The following RSRC1 variants were observed in gnomAD, a reference collection of about 807,000 sequenced individuals.
RSRC1 encodes serine/Arginine-related protein 53.
In RSRC1, 39 loss-of-function variants were observed where a neutral mutation model predicts 49.1. The observed-to-expected ratio is 0.79, with a 90% confidence interval of 0.61 to 1.04. RSRC1 has a LOEUF of 1.04. Ranked by LOEUF, RSRC1 falls within the 50% of genes least tolerant of loss-of-function variation. RSRC1 has a pLI of 0.00. For synonymous variants in RSRC1, 143 were observed against 130.8 expected, an observed-to-expected ratio of 1.09 and a Z score of -0.63; for missense variants, 388 against 402.4, an observed-to-expected ratio of 0.96 and a Z score of 0.31.
intron 3 of RSRC1, among the ~76,000 whole-genome samples, chr3:158,126,918 T>C (rs1715663838): frequency 6.7e-6 from 1 of 150,372 alleles, no homozygotes; most frequent in Non-Finnish European, 1.5e-5. Context: ...TTGTTTTTGT[T>C]TTTTGCTTTC....
intron 4 of RSRC1, among the ~76,000 whole-genome samples, chr3:158,258,290 A>G (rs1270751191): frequency 5.5e-5 from 7 of 127,280 alleles, no homozygotes; most frequent in East Asian, 4.4e-4. Context: ...TTATTTCTCC[A>G]TCATATTTAT....
intron 6 of RSRC1, among the ~76,000 whole-genome samples, chr3:158,398,522 A>C (rs1181940907): frequency 6.6e-6 from 1 of 152,124 alleles, no homozygotes; most frequent in Non-Finnish European, 1.5e-5. Flanking sequence ...TGGATCCCTC[A>C]TGTCCTAGTC....
At chr3:158,365,370 C>T (rs1230023015) in intron 6 of RSRC1, among the ~76,000 whole-genome samples, 2 of 151,888 alleles carry the variant, frequency 1.3e-5, no homozygotes, top group East Asian at 3.9e-4. Flanking sequence ...CATTGTTCAA[C>T]TCCCACTTAT....
intron 3 of RSRC1, among the ~76,000 whole-genome samples, chr3:158,196,451 G>A (rs1403427315): frequency 6.6e-6 from 1 of 152,174 alleles, no homozygotes; most frequent in Non-Finnish European, 1.5e-5. Flanking sequence ...TGCAAACAGG[G>A]ACAGTTTGAC....
At chr3:158,513,795 A>C (rs561980882) in intron 7 of RSRC1, among the ~76,000 whole-genome samples, 1,878 of 152,246 alleles carry the variant, frequency 0.012, 40 homozygotes, top group African/African-American at 0.04. Context: ...ACAATTTCAG[A>C]TCCTGTTATT....
At chr3:158,227,960 G>C (rs1722619457) in intron 4 of RSRC1, among the ~76,000 whole-genome samples, 1 of 152,036 alleles carries the variant, frequency 6.6e-6, no homozygotes, top group East Asian at 1.9e-4. Context: ...CTGTTGTATA[G>C]AATAGTGCTC....
At chr3:158,271,975 T>C (rs983817452) in intron 4 of RSRC1, among the ~76,000 whole-genome samples, 1 of 152,204 alleles carries the variant, frequency 6.6e-6, no homozygotes, top group African/African-American at 2.4e-5. Context: ...AATTTTTGTT[T>C]AATGTGCATT....
At chr3:158,246,439 T>C (rs898108780) in intron 4 of RSRC1, among the ~76,000 whole-genome samples, 8 of 151,944 alleles carry the variant, frequency 5.3e-5, no homozygotes, top group Non-Finnish European at 1.2e-4. Context: ...GATTTAATCC[T>C]GTCATCATGA....
chr3:158,402,578 A>G (rs936991659), intron 6 of RSRC1, among the ~76,000 whole-genome samples: 6 of 151,940 alleles, frequency 3.9e-5, no homozygotes, highest in African/African-American at 1.2e-4. Context: ...AATTAGTCCA[A>G]AAGCTCCAAA....
At chr3:158,189,326 C>T (rs535586123) in intron 3 of RSRC1, among the ~76,000 whole-genome samples, 1 of 151,922 alleles carries the variant, frequency 6.6e-6, no homozygotes, top group East Asian at 1.9e-4. Flanking sequence ...TAAATTTAAC[C>T]ATGTGTTCAA....
chr3:158,163,591 G>T (rs1217094297), intron 3 of RSRC1, among the ~76,000 whole-genome samples: 1 of 152,022 alleles, frequency 6.6e-6, no homozygotes, highest in African/African-American at 2.4e-5. Context: ...GTTTGGTTCA[G>T]CATTCCAAAG....
At chr3:158,201,681 A>T (rs1462385251) in intron 3 of RSRC1, among the ~76,000 whole-genome samples, 1 of 152,098 alleles carries the variant, frequency 6.6e-6, no homozygotes, top group Non-Finnish European at 1.5e-5. Context: ...TGTGTTTTTC[A>T]ATTACAGAAT....
chr3:158,163,727 A>G (rs1046406078), intron 3 of RSRC1, among the ~76,000 whole-genome samples: 1 of 150,528 alleles, frequency 6.6e-6, no homozygotes, highest in Non-Finnish European at 1.5e-5. Flanking sequence ...GCCAAAATCA[A>G]TCTGTTTCTA....
intron 4 of RSRC1, among the ~76,000 whole-genome samples, chr3:158,245,227 G>A (rs764832048): frequency 2.0e-5 from 3 of 151,572 alleles, no homozygotes; most frequent in Admixed American, 1.3e-4. Context: ...TTGTATCTTT[G>A]GTCTCATTAG....
At chr3:158,457,632 C>G (rs1737399355) in intron 6 of RSRC1, among the ~76,000 whole-genome samples, 1 of 151,798 alleles carries the variant, frequency 6.6e-6, no homozygotes, top group Non-Finnish European at 1.5e-5. Context: ...AAACAGCAGC[C>G]CAAAAAGGCT....
intron 1 of RSRC1, among the ~76,000 whole-genome samples, chr3:158,112,432 A>G (rs1218759373): frequency 1.3e-5 from 2 of 152,170 alleles, no homozygotes; most frequent in Non-Finnish European, 2.9e-5. Context: ...TCATTTATAG[A>G]GAAGACAATT....
chr3:158,262,557 T>G (rs781747423), intron 4 of RSRC1, among the ~76,000 whole-genome samples: 5 of 152,198 alleles, frequency 3.3e-5, no homozygotes, highest in Admixed American at 6.5e-5. Flanking sequence ...TCTTTGTTAT[T>G]ACTACACAAA....
intron 3 of RSRC1, among the ~76,000 whole-genome samples, chr3:158,170,001 A>G (rs1718779762): frequency 6.6e-6 from 1 of 152,142 alleles, no homozygotes; most frequent in Admixed American, 6.6e-5. Context: ...CCCAAGTCTT[A>G]TATCTGGGCT....
intron 3 of RSRC1, among the ~76,000 whole-genome samples, chr3:158,178,121 G>T (rs535949069): frequency 1.1e-3 from 169 of 151,286 alleles, no homozygotes; most frequent in African/African-American, 3.9e-3. Context: ...TTGTTTTTTT[G>T]TTTGTTTGTT....
Sources: allele counts gnomAD v4.1 joint callset (sites outside exome capture counted in the v4.1 genomes callset), GRCh38; gene constraint gnomAD v4.1.1; transcripts MANE v1.5; gene names NCBI Gene and HGNC (gene_info 2026-07-23, HGNC 2026-07-21).